The following DNAH11 variants were observed in gnomAD, a reference collection of about 807,000 sequenced individuals.
The protein encoded by DNAH11 is dynein axonemal heavy chain 11, also known as axonemal beta dynein heavy chain 11.
DNAH11 carries 442 observed loss-of-function variants against 526.0 expected under a neutral mutation model. That is an observed-to-expected ratio of 0.84 (90% CI 0.78 to 0.91). The LOEUF (loss-of-function observed/expected upper bound fraction) is 0.91, where lower values mean the gene tolerates loss of function less well. DNAH11 is among the 40% of genes least tolerant of loss of function. The pLI, the probability that DNAH11 is intolerant of heterozygous loss-of-function variation, is 0.00. For missense variants in DNAH11, 6,989 were observed against 5,448.7 expected (o/e 1.28, Z -8.90); for synonymous variants, 2,461 against 1,935.9 (o/e 1.27, Z -7.12).
In DNAH11 at chr7:21,816,545, G is replaced by A. The variant is rs117729990; in HGVS notation, c.10411G>A (p.Glu3471Lys). 4.7e-4 allele frequency: 763 copies of A among 1,613,008 alleles called. 3 individuals carry two copies. The East Asian group carries it at 0.016, about 33-fold the overall frequency. Reference sequence around the variant, plus strand: ...TGCTACAATTGCCGCCTGGAATAACGAAGGACTGCCCAGTGACAGAATGTC... The same window carrying A: ...TGCTACAATTGCCGCCTGGAATAACAAAGGACTGCCCAGTGACAGAATGTC... ...DDATIAAWNNEGLPSDRMSTE... is the reference protein window; with the variant it reads ...DDATIAAWNNKGLPSDRMSTE... The change falls in exon 64 of 82, where the codon GAA becomes AAA. Residue 3471 changes from glutamate (E) to lysine (K), a missense_variant. Physicochemically the swap from Glu to Lys is moderately conservative, Grantham distance 56 (BLOSUM62 1). Transcript: ENST00000409508.
chr7:21,876,869 C>G lies in DNAH11; in HGVS notation c.12195+3368C>G, dbSNP rs185939357. Reference sequence around the variant, plus strand: ...GTCAAACTTAGTCACATTGCATTACCTAGCTGCAAGAGAGGCTGGGAAAAG... The same window carrying G: ...GTCAAACTTAGTCACATTGCATTACGTAGCTGCAAGAGAGGCTGGGAAAAG... On this transcript the variant is annotated intron_variant, in intron 74 of 81. Transcript: ENST00000409508. Among the ~76,000 whole-genome samples, 131 of 152,348 alleles carry G rather than the reference C, an allele frequency of 8.6e-4. No homozygotes were observed. The Middle Eastern group carries it at 0.014, about 16-fold the overall frequency.
chr7:21,834,119 C>T (rs1781895678), intron 65 of DNAH11, among the ~76,000 whole-genome samples: 1 of 152,068 alleles, frequency 6.6e-6, no homozygotes, highest in Non-Finnish European at 1.5e-5. Context: ...CAAGTCCCAA[C>T]GAAATTTTTT....
At chr7:21,741,845 G>C (rs934146110) in intron 48 of DNAH11, 82 bp from the exon 49 acceptor site, 2 of 1,482,760 alleles carry the variant, frequency 1.3e-6, no homozygotes, top group East Asian at 2.3e-5. Context: ...TGGATACAGG[G>C]AGGAGTGAAA....
At chr7:21,661,607 C>CT in intron 30 of DNAH11, among the ~76,000 whole-genome samples, 1 of 151,912 alleles carries the variant, frequency 6.6e-6, no homozygotes, top group Non-Finnish European at 1.5e-5. Context: ...TCTGATAAAA[C>CT]TTTTTTCCTT....
At chr7:21,713,534 C>T (rs1210460714) in intron 42 of DNAH11, among the ~76,000 whole-genome samples, 2 of 152,192 alleles carry the variant, frequency 1.3e-5, no homozygotes, top group Non-Finnish European at 2.9e-5. Context: ...TCCCTCCAGG[C>T]ATAGATACAA....
intron 30 of DNAH11, among the ~76,000 whole-genome samples, chr7:21,681,264 G>A (rs2965394): frequency 6.6e-6 from 1 of 151,756 alleles, no homozygotes; most frequent in Admixed American, 6.6e-5. Context: ...ATGTCCCTAC[G>A]AAAAATATAA....
Position 21,599,907 on chromosome 7 carries a change from T to C in DNAH11, c.2788T>C (p.Phe930Leu), listed in dbSNP as rs1369906313. 1.9e-6 allele frequency: 3 copies of C among 1,613,710 alleles called. No individual in the cohort carries two copies. The highest frequency in any genetic ancestry group is 1.6e-4 in the Middle Eastern group (1 of 6,062). The change falls in exon 15 of 82, where the codon TTT (phenylalanine) becomes CTT (leucine). Residue 930 changes from phenylalanine to leucine, a missense_variant. Physicochemically the swap from Phe to Leu is conservative, Grantham distance 22. Transcript: ENST00000409508. ...FQAIMHDLDF[F>L]LKNTEKQLKP... ...GGCTATAATGCACGACTTAGACTTC[T>C]TTCTGAAGAATACAGAGAAACAATT...
At chr7:21,715,206 C>T (rs552756247) in intron 42 of DNAH11, among the ~76,000 whole-genome samples, 1 of 152,274 alleles carries the variant, frequency 6.6e-6, no homozygotes, top group South Asian at 2.1e-4. Context: ...TCCTTCTATC[C>T]TATACAACAG....
rs191802172 is a variant in DNAH11 at position 21,894,919 on chromosome 7, G to T, written c.12969G>T (p.Gln4323His). 6.2e-7 allele frequency: 1 copy of T among 1,614,002 alleles called. No individual in the cohort carries two copies. The highest frequency in any genetic ancestry group is 1.1e-5 in the South Asian group (1 of 91,080). Residue 4323 changes from glutamine (Q) to histidine (H), a missense_variant, in exon 79 of 82, where the codon CAG becomes CAT. Coordinates refer to ENST00000409508, the MANE Select transcript of DNAH11 (RefSeq NM_001277115.2). ...CATTATCTCCTGCTGTGGAAGCCCA[G>T]CAGTTTGCATTGAGTTATGACACGG... is the stretch of plus-strand genomic sequence containing the variant. Reference protein sequence around the residue: ...ELALSPAVEAQQFALSYDTVP... With the variant: ...ELALSPAVEAHQFALSYDTVP...
intron 30 of DNAH11, among the ~76,000 whole-genome samples, chr7:21,674,893 A>G (rs1421217867): frequency 6.6e-6 from 1 of 152,018 alleles, no homozygotes; most frequent in Non-Finnish European, 1.5e-5. Context: ...ATACTTCACT[A>G]GTTGCTCACA....
chr7:21,748,451 T>C, intron 51 of DNAH11, 129 bp from the exon 52 acceptor site: 1 of 1,070,870 alleles, frequency 9.3e-7, no homozygotes, highest in Non-Finnish European at 1.2e-6. Context: ...ATCGCGCCAC[T>C]GCACTCCGGC....
chr7:21,677,176 C>G (rs1191368628), intron 30 of DNAH11, among the ~76,000 whole-genome samples: 3 of 147,598 alleles, frequency 2.0e-5, no homozygotes, highest in African/African-American at 7.5e-5. Flanking sequence ...TACTGTGATT[C>G]ACTTTACTGT....
intron 63 of DNAH11, among the ~76,000 whole-genome samples, chr7:21,810,337 G>T (rs768873192): frequency 6.6e-6 from 1 of 152,106 alleles, no homozygotes; most frequent in Non-Finnish European, 1.5e-5. Flanking sequence ...ATACAACACT[G>T]TCATCTCAGT....
intron 51 of DNAH11, among the ~76,000 whole-genome samples, chr7:21,747,266 C>T (rs1786190232): frequency 6.6e-6 from 1 of 152,136 alleles, no homozygotes; most frequent in East Asian, 1.9e-4. Context: ...GATGACTGAG[C>T]TTGTAAAAAT....
At chr7:21,549,340 G>C (rs1782930075) in intron 2 of DNAH11, among the ~76,000 whole-genome samples, 1 of 152,134 alleles carries the variant, frequency 6.6e-6, no homozygotes, top group Non-Finnish European at 1.5e-5. Context: ...CTCTTGTTGA[G>C]GGCTTGTACT....
At chr7:21,623,249 T>A (rs1786166336) in intron 25 of DNAH11, among the ~76,000 whole-genome samples, 1 of 151,880 alleles carries the variant, frequency 6.6e-6, no homozygotes, top group Non-Finnish European at 1.5e-5. Flanking sequence ...GAAATGCAAA[T>A]CAAAACCACA....
chr7:21,776,623 C>A (rs188058470), intron 56 of DNAH11, among the ~76,000 whole-genome samples: 20 of 152,316 alleles, frequency 1.3e-4, no homozygotes, highest in African/African-American at 3.8e-4. Flanking sequence ...GACCTTTCTT[C>A]ATAGAGAAAG....
intron 25 of DNAH11, among the ~76,000 whole-genome samples, chr7:21,621,269 C>T (rs1257405894): frequency 2.0e-5 from 3 of 152,010 alleles, no homozygotes; most frequent in African/African-American, 7.3e-5. Context: ...AAGACTAAAC[C>T]AGGAAGAAGT....
chr7:21,735,279 T>C (rs1036405753), intron 45 of DNAH11, among the ~76,000 whole-genome samples: 14 of 152,340 alleles, frequency 9.2e-5, no homozygotes, highest in African/African-American at 3.4e-4. Flanking sequence ...TAGTTTCTTA[T>C]ATGGTTACTA....
Sources: allele counts gnomAD v4.1 joint callset (sites outside exome capture counted in the v4.1 genomes callset), GRCh38; gene constraint gnomAD v4.1.1; transcripts MANE v1.5; gene names NCBI Gene and HGNC (gene_info 2026-07-23, HGNC 2026-07-21).